PTPRE: variants seen among roughly 807,000 people sequenced by gnomAD.
The protein encoded by PTPRE is protein tyrosine phosphatase receptor type E, also known as receptor-type tyrosine-protein phosphatase epsilon.
In PTPRE, 51 loss-of-function variants were observed where a neutral mutation model predicts 102.0. The observed-to-expected ratio is 0.50, with a 90% CI of 0.40 to 0.63. PTPRE has a LOEUF of 0.63. PTPRE is among the 30% of genes least tolerant of loss of function. The pLI is 0.00. For synonymous variants in PTPRE, 345 were observed against 348.2 expected, an observed-to-expected ratio of 0.99 and a Z score of 0.10; for missense variants, 752 against 915.1, an observed-to-expected ratio of 0.82 and a Z score of 2.30.
intron 18 of PTPRE, 95 bp downstream of exon 18, chr10:128,076,823 C>T (rs1420920088): frequency 2.0e-6 from 3 of 1,535,146 alleles, no homozygotes; most frequent in Non-Finnish European, 1.8e-6. Flanking sequence ...TGTGGCCCTG[C>T]ACCTGTCCTG....
chr10:127,914,917 G>A (rs1846107127), intron 1 of PTPRE, among the ~76,000 whole-genome samples: 1 of 152,174 alleles, frequency 6.6e-6, no homozygotes, highest in South Asian at 2.1e-4. Context: ...GTCAGGGCGT[G>A]GAGCTAATAT....
rs202094326 is a variant in PTPRE, at chr10:128,066,069, G to C, written c.724-6G>C. On this transcript the variant is annotated splice_region_variant and splice_polypyrimidine_tract_variant and intron_variant, in intron 10 of 20. Coordinates refer to ENST00000254667, the MANE Select transcript of PTPRE (RefSeq NM_006504.6). ...CTATTTGCTTCTATTAAATTGTTCC[G>C]TGCAGGAAAAGTGCCATCAGTACTG... The C allele has an allele frequency of 1.2e-6, 2 of 1,614,042 alleles. No individual in the cohort carries two copies. The highest frequency in any genetic ancestry group is 2.7e-5 in the African/African-American group (2 of 74,914).
Position 128,040,926 on chromosome 10 carries a change from G to A in PTPRE, c.45G>A (p.Pro15=), listed in dbSNP as rs753474086. 1.3e-5 allele frequency: 21 copies of A among 1,613,830 alleles called. No individual in the cohort carries two copies. Among genetic ancestry groups the A allele is most frequent in the East Asian group, 4.5e-5 (2 of 44,878 alleles). Residue 15 remains proline (P), a synonymous_variant, in exon 3 of 21, where the codon CCG becomes CCA. Coordinates refer to ENST00000254667, the MANE Select transcript of PTPRE (RefSeq NM_006504.6). ...CPLLLVGFSL[P]LARALRGNET... is the part of the protein sequence containing the mutation. ...TCCTGCTGGTGGGTTTTAGCTTGCCGCTCGCCAGGGCTCTCAGGGGCAACG... is the reference window on the plus strand; with the variant it reads ...TCCTGCTGGTGGGTTTTAGCTTGCCACTCGCCAGGGCTCTCAGGGGCAACG...
At chr10:127,917,977 C>T (rs1223555785) in intron 1 of PTPRE, among the ~76,000 whole-genome samples, 2 of 152,116 alleles carry the variant, frequency 1.3e-5, no homozygotes, top group Non-Finnish European at 2.9e-5. Flanking sequence ...TTGCAGTGAG[C>T]TGAGATCACA....
At chr10:127,949,106 C>T (rs1436990231) in intron 1 of PTPRE, among the ~76,000 whole-genome samples, 4 of 152,334 alleles carry the variant, frequency 2.6e-5, no homozygotes, top group East Asian at 1.9e-4. Context: ...CCTTTGGCCA[C>T]GGACTGGGAA....
At chr10:127,927,096 C>T (rs1032964670) in intron 1 of PTPRE, among the ~76,000 whole-genome samples, 1 of 152,042 alleles carries the variant, frequency 6.6e-6, no homozygotes, top group Non-Finnish European at 1.5e-5. Flanking sequence ...AAGCATGAGC[C>T]ACTGCGCCAG....
chr10:128,020,585 A>C (rs1655116241), intron 2 of PTPRE, among the ~76,000 whole-genome samples: 1 of 152,202 alleles, frequency 6.6e-6, no homozygotes, highest in East Asian at 1.9e-4. Context: ...GAAAAGAAAA[A>C]CAGCTCGGTT....
chr10:128,017,679 G>A (rs1483593543), intron 2 of PTPRE, among the ~76,000 whole-genome samples: 2 of 152,166 alleles, frequency 1.3e-5, no homozygotes, highest in Non-Finnish European at 2.9e-5. Context: ...GGTTTGGACA[G>A]ATTTCCGGTG....
intron 1 of PTPRE, among the ~76,000 whole-genome samples, chr10:127,908,394 C>T (rs1341144752): frequency 1.3e-5 from 2 of 150,326 alleles, no homozygotes; most frequent in Non-Finnish European, 3.0e-5. Flanking sequence ...GAAGTTCTGC[C>T]TCTGCACACT....
intron 1 of PTPRE, among the ~76,000 whole-genome samples, chr10:127,951,378 A>G (rs544722113): frequency 6.6e-5 from 10 of 152,176 alleles, no homozygotes; most frequent in Admixed American, 1.3e-4. Flanking sequence ...GCCTTTTACC[A>G]TGGTAACTGT....
In PTPRE at chr10:127,926,897, T is replaced by G. The variant is rs570088198; in HGVS notation, c.-31+19588T>G. ...TGTGATCTCAGCTCACTGTAACCTC[T>G]GCCTCCCAGGTTCAAGCAATTCTCC... On this transcript the variant is annotated intron_variant, in intron 1 of 20. Transcript: ENST00000254667. Among the ~76,000 whole-genome samples the G allele has an allele frequency of 7.6e-5, 11 of 145,118 alleles. 1 individual carries two copies. Among genetic ancestry groups the G allele is most frequent in the African/African-American group, 2.3e-4 (9 of 39,344 alleles).
intron 1 of PTPRE, among the ~76,000 whole-genome samples, chr10:127,976,495 G>T (rs1040349522): frequency 5.3e-5 from 8 of 152,204 alleles, no homozygotes; most frequent in Non-Finnish European, 1.2e-4. Context: ...AGGGATGCAC[G>T]TGGATCTGTG....
chr10:127,964,130 G>A (rs1263628447), intron 1 of PTPRE, among the ~76,000 whole-genome samples: 1 of 152,062 alleles, frequency 6.6e-6, no homozygotes, highest in African/African-American at 2.4e-5. Context: ...CCCCCTCCCA[G>A]CTGGCAGAGT....
chr10:128,067,306 A>G (rs1171451418), intron 11 of PTPRE, among the ~76,000 whole-genome samples: 2 of 151,274 alleles, frequency 1.3e-5, no homozygotes, highest in Non-Finnish European at 3.0e-5. Flanking sequence ...AGATGCACAC[A>G]TGCACATTCA....
chr10:128,017,034 TGCACAC>T (rs1263678621), intron 2 of PTPRE, among the ~76,000 whole-genome samples: 1 of 152,184 alleles, frequency 6.6e-6, no homozygotes, highest in African/African-American at 2.4e-5. Flanking sequence ...GACCTCGTCA[TGCACAC>T]GCATTGAGCA....
At chr10:127,964,925 G>A in intron 1 of PTPRE, 1 of 453,426 alleles carries the variant, frequency 2.2e-6, no homozygotes, top group Non-Finnish European at 4.4e-6. Context: ...GGAGTTCCCT[G>A]GACCCCACGG....
intron 11 of PTPRE, 149 bp downstream of exon 11, chr10:128,066,343 T>G: frequency 7.5e-7 from 1 of 1,326,250 alleles, no homozygotes; most frequent in South Asian, 1.4e-5. Context: ...GGCCAGGCTG[T>G]GATAGGCAGA....
rs1215235204 is a variant in PTPRE at position 128,034,322 on chromosome 10, A to ACCGC, written c.-7-6551_-7-6550insGCCC. On this transcript the variant is annotated intron_variant, in intron 2 of 20. Coordinates refer to ENST00000254667, the MANE Select transcript of PTPRE (RefSeq NM_006504.6). ...GAGCACCCAAAACCCTCCCCTCCACACCACCCCCCCCACCGACACACACAC... is the reference window on the plus strand; with the variant it reads ...GAGCACCCAAAACCCTCCCCTCCACACCGCCCACCCCCCCCACCGACACACACAC... Among the ~76,000 whole-genome samples the ACCGC allele has an allele frequency of 7.7e-3, 1,112 of 144,490 alleles. 20 individuals carry two copies. The highest frequency in any genetic ancestry group is 0.028 in the African/African-American group (1,053 of 37,706). 94.8% of individuals were successfully genotyped at this position (144,490 alleles called of 152,430 possible). A position where few individuals can be genotyped will look rare whatever the true frequency, so the allele number is the denominator to read the frequency against.
At chr10:127,999,213 T>C (rs1853611029) in intron 2 of PTPRE, 1 of 152,192 alleles carries the variant, frequency 6.6e-6, no homozygotes, top group African/African-American at 2.4e-5. Context: ...GTAAATCTCA[T>C]GTTAAATGTT....
Sources: allele counts gnomAD v4.1 joint callset (sites outside exome capture counted in the v4.1 genomes callset), GRCh38; gene constraint gnomAD v4.1.1; transcripts MANE v1.5; gene names NCBI Gene and HGNC (gene_info 2026-07-23, HGNC 2026-07-21).